Variants in TGFBI observed in about 807,000 individuals in gnomAD.
The protein encoded by TGFBI is transforming growth factor-beta-induced protein ig-h3.
In TGFBI, 50 loss-of-function variants were observed where a neutral mutation model predicts 73.7. The ratio of observed to expected loss-of-function variants is 0.68; its 90% CI spans 0.54 to 0.86. The LOEUF is 0.86. Among genes scored for constraint, TGFBI ranks in the 40% least tolerant of loss-of-function variants. The pLI is 0.00. For missense variants in TGFBI, 839 were observed against 877.0 expected (o/e 0.96, Z 0.55); for synonymous variants, 362 against 360.5 (o/e 1.00, Z -0.05).
At chr5:136,035,354 T>A (rs1172537050) in intron 2 of TGFBI, among the ~76,000 whole-genome samples, 1 of 152,214 alleles carries the variant, frequency 6.6e-6, no homozygotes, top group South Asian at 2.1e-4. Context: ...CCGGGCACAG[T>A]GGCTCACGCC....
rs1185003260 is a variant in TGFBI at position 136,052,801 on chromosome 5, C to G, written c.914-106C>G. ...TGGTGCCCCAGCCTCATCTGAGGGT[C>G]CTCATCTGAGAGAACAGGATCCTCA... On this transcript the variant is annotated intron_variant, in intron 7 of 16. Coordinates refer to ENST00000442011, the MANE Select transcript of TGFBI (RefSeq NM_000358.3). 1.7e-5 allele frequency: 19 copies of G among 1,106,798 alleles called. No individual in the cohort carries two copies. In the East Asian group the frequency reaches 4.3e-4, roughly 25 times the overall value. The allele number at this position is 1,106,798 out of a possible 1,614,324, so 68.6% of individuals were successfully genotyped here.
At chr5:136,034,653 G>C (rs915041491) in intron 2 of TGFBI, among the ~76,000 whole-genome samples, 1 of 152,086 alleles carries the variant, frequency 6.6e-6, no homozygotes, top group African/African-American at 2.4e-5. Context: ...GTTTCAGCAA[G>C]GAGGGAGGCA....
At chr5:136,047,049 G>C in intron 5 of TGFBI, 34 bp downstream of exon 5, 1 of 1,604,822 alleles carries the variant, frequency 6.2e-7, no homozygotes, top group Non-Finnish European at 8.5e-7. Context: ...CATGGCCCTT[G>C]GTGCATAATG....
At chr5:136,051,625 A>G (rs1218200318) in intron 7 of TGFBI, among the ~76,000 whole-genome samples, 1 of 152,138 alleles carries the variant, frequency 6.6e-6, no homozygotes, top group African/African-American at 2.4e-5. Flanking sequence ...CCCACACCCA[A>G]CAGTCTCCTG....
At chr5:136,056,464 C>T (rs1467417027) in intron 11 of TGFBI, 2 of 603,224 alleles carry the variant, frequency 3.3e-6, no homozygotes, top group East Asian at 6.0e-5. Context: ...AGCATTTTTG[C>T]TGGGTGGAGA....
At chr5:136,037,827 C>A (rs1751255632) in intron 2 of TGFBI, among the ~76,000 whole-genome samples, 1 of 152,192 alleles carries the variant, frequency 6.6e-6, no homozygotes, top group South Asian at 2.1e-4. Context: ...CATGGTCGAG[C>A]TTTTCCATCA....
At chr5:136,061,049 A>G in intron 14 of TGFBI, 113 bp downstream of exon 14, 1 of 789,534 alleles carries the variant, frequency 1.3e-6, no homozygotes, top group Non-Finnish European at 2.0e-6. Context: ...TAATTGTGAT[A>G]GTTAAACTGT....
rs542023008 is a variant in TGFBI at position 136,051,871 on chromosome 5, G to T, written c.914-1036G>T. ...CCCTCTGGCTGAATGTGGCCAGCAC[G>T]GGCTTCCAAGGCCATCAACTCGTCT... is the stretch of plus-strand genomic sequence containing the variant. On this transcript the variant is annotated intron_variant, in intron 7 of 16. Transcript: ENST00000442011. Among the ~76,000 whole-genome samples the T allele has an allele frequency of 3.9e-4, 59 of 152,328 alleles. 1 individual carries two copies. In the South Asian group the frequency reaches 0.012, roughly 30 times the overall value.
chr5:136,045,947 T>A (rs1751419054), intron 3 of TGFBI: 1 of 162,144 alleles, frequency 6.2e-6, no homozygotes, highest in African/African-American at 2.4e-5. Flanking sequence ...AATAGTCTCT[T>A]ATTCTAATAG....
At chr5:136,050,799 A>G (rs1751519988) in intron 7 of TGFBI, among the ~76,000 whole-genome samples, 1 of 152,228 alleles carries the variant, frequency 6.6e-6, no homozygotes, top group South Asian at 2.1e-4. Context: ...GGGAAAGGGC[A>G]TATTTCTGAA....
At position 136,052,912 on chromosome 5, in the gene TGFBI, CT is replaced by C; in HGVS notation, c.920del (p.Leu307ArgfsTer6). The part of the protein sequence containing the change: ...LGDPEALRDL[L>X]NNHILKSAMC... ...TGAGTCTGTTTGGACCCCAGACCTG[CT>C]GAACAACCACATCTTGAAGTCAGCT... On this transcript the variant is annotated frameshift_variant, in exon 8 of 17. Coordinates refer to ENST00000442011, the MANE Select transcript of TGFBI (RefSeq NM_000358.3). LOFTEE classifies it high-confidence loss of function. 1 of 1,613,610 alleles carries C rather than the reference CT, an allele frequency of 6.2e-7. No individual in the cohort carries two copies. The highest frequency in any genetic ancestry group is 8.5e-7 in the Non-Finnish European group (1 of 1,179,536).
chr5:136,046,790 G>A (rs1340002224), intron 4 of TGFBI, 61 bp from the exon 5 acceptor site: 1 of 1,551,808 alleles, frequency 6.4e-7, no homozygotes, highest in Non-Finnish European at 8.7e-7. Flanking sequence ...AGAGTTGCAA[G>A]GACCCATCTC....
chr5:136,052,756 C>T (rs45572445), intron 7 of TGFBI, 151 bp from the exon 8 acceptor site: 73 of 724,372 alleles, frequency 1.0e-4, no homozygotes, highest in East Asian at 9.1e-4. Flanking sequence ...AGGCAGAAGG[C>T]GAGGAGGATC....
chr5:136,040,146 C>T (rs892020359), intron 2 of TGFBI, among the ~76,000 whole-genome samples: 3 of 152,208 alleles, frequency 2.0e-5, no homozygotes, highest in African/African-American at 4.8e-5. Context: ...GGAGAGAAAA[C>T]TCAGTACTTC....
At chr5:136,049,673 A>G in intron 7 of TGFBI, 93 bp downstream of exon 7, 1 of 1,448,002 alleles carries the variant, frequency 6.9e-7, no homozygotes. Flanking sequence ...ACCACCTGCC[A>G]TGAGGTGACC....
chr5:136,059,057 A>G (rs1291786302), intron 12 of TGFBI, 33 bp from the exon 13 acceptor site: 4 of 1,601,750 alleles, frequency 2.5e-6, no homozygotes, highest in Non-Finnish European at 2.6e-6. Flanking sequence ...CATTCTTGGG[A>G]TTAACTCTAT....
At chr5:136,042,374 G>GAA (rs1751355122) in intron 2 of TGFBI, among the ~76,000 whole-genome samples, 1 of 152,224 alleles carries the variant, frequency 6.6e-6, no homozygotes, top group Non-Finnish European at 1.5e-5. Flanking sequence ...ACCAGAGAGA[G>GAA]AAATGGACTT....
chr5:136,046,700 G>T, intron 4 of TGFBI, 151 bp from the exon 5 acceptor site: 1 of 1,253,290 alleles, frequency 8.0e-7, no homozygotes. Flanking sequence ...CTACTGGGCA[G>T]AAAGACTTGG....
intron 6 of TGFBI, chr5:136,048,972 C>A: frequency 6.4e-6 from 1 of 157,018 alleles, no homozygotes; most frequent in Non-Finnish European, 1.4e-5. Flanking sequence ...CATGCATGGG[C>A]TCATGTACGT....
Sources: allele counts gnomAD v4.1 joint callset (sites outside exome capture counted in the v4.1 genomes callset), GRCh38; gene constraint gnomAD v4.1.1; transcripts MANE v1.5; gene names NCBI Gene and HGNC (gene_info 2026-07-23, HGNC 2026-07-21).